CDH13: variants seen among roughly 807,000 people sequenced by gnomAD.
The protein encoded by CDH13 is cadherin 13.
In CDH13, 24 loss-of-function variants were observed where a neutral mutation model predicts 63.8. The ratio of observed to expected loss-of-function variants is 0.38; its 90% confidence interval spans 0.27 to 0.53. The LOEUF is 0.53. CDH13 is among the 20% of genes least tolerant of loss of function. The pLI is 0.85. For synonymous variants in CDH13, 503 were observed against 355.3 expected, an observed-to-expected ratio of 1.42 and a Z score of -4.67; for missense variants, 1,049 against 903.1, an observed-to-expected ratio of 1.16 and a Z score of -2.07.
intron 10 of CDH13, among the ~76,000 whole-genome samples, chr16:83,687,311 G>T (rs762616010): frequency 6.6e-6 from 1 of 152,186 alleles, no homozygotes; most frequent in Non-Finnish European, 1.5e-5. Context: ...TGATTTAATT[G>T]TCTCATGGCT....
At chr16:82,890,162 C>T (rs1224753809) in intron 2 of CDH13, among the ~76,000 whole-genome samples, 2 of 152,194 alleles carry the variant, frequency 1.3e-5, no homozygotes, top group African/African-American at 4.8e-5. Flanking sequence ...AGATTCCTTC[C>T]TGGAATTTTG....
At chr16:83,096,669 A>C (rs2034212199) in intron 3 of CDH13, among the ~76,000 whole-genome samples, 1 of 152,130 alleles carries the variant, frequency 6.6e-6, no homozygotes. Context: ...TTTGGGTTTA[A>C]CTCCCTTGGA....
chr16:83,308,558 G>C (rs1164900199), intron 5 of CDH13, among the ~76,000 whole-genome samples: 1 of 152,192 alleles, frequency 6.6e-6, no homozygotes, highest in East Asian at 1.9e-4. Flanking sequence ...AGATTACAAA[G>C]CCAACGTCAC....
At chr16:82,863,818 G>A (rs958260714) in intron 2 of CDH13, among the ~76,000 whole-genome samples, 4 of 152,150 alleles carry the variant, frequency 2.6e-5, no homozygotes, top group African/African-American at 9.7e-5. Flanking sequence ...AGCGACTAAA[G>A]CAGTGATTGT....
intron 7 of CDH13, among the ~76,000 whole-genome samples, chr16:83,494,844 T>C (rs1017231489): frequency 5.3e-5 from 8 of 152,222 alleles, no homozygotes; most frequent in Non-Finnish European, 1.2e-4. Flanking sequence ...TAAAAGCTTG[T>C]TGATCGTATT....
chr16:83,492,730 G>C (rs936949662), intron 7 of CDH13, among the ~76,000 whole-genome samples: 3 of 152,186 alleles, frequency 2.0e-5, no homozygotes, highest in Non-Finnish European at 2.9e-5. Context: ...GCCTCCTGCT[G>C]ATGGCAATGG....
At chr16:82,929,284 C>G (rs913133553) in intron 2 of CDH13, among the ~76,000 whole-genome samples, 17 of 152,080 alleles carry the variant, frequency 1.1e-4, no homozygotes, top group African/African-American at 2.4e-4. Flanking sequence ...ACTTTACTCT[C>G]AGGATATTAT....
In CDH13 at chr16:83,188,449, A is replaced by G. The variant is rs183516054; in HGVS notation, c.484-28896A>G. On this transcript the variant is annotated intron_variant, in intron 4 of 13. Coordinates refer to ENST00000567109, the MANE Select transcript of CDH13 (RefSeq NM_001257.5). ...AGGCTCTGCGCCTCTCTGAACTGTC[A>G]TGCATTCTTTTTGAGTCCTCTTGGT... 3.3e-4 allele frequency among the ~76,000 whole-genome samples: 50 copies of G among 152,116 alleles called. No individual in the cohort carries two copies. The East Asian group carries it at 8.2e-3, about 25-fold the overall frequency.
intron 5 of CDH13, among the ~76,000 whole-genome samples, chr16:83,267,516 G>C (rs78341439): frequency 0.066 from 10,026 of 152,246 alleles, 407 homozygotes; most frequent in Middle Eastern, 0.15. Flanking sequence ...ATGATATTAA[G>C]AGGTAAGACC....
rs1455946269 is a variant in CDH13 at position 83,070,861 on chromosome 16, C to G, written c.366+38643C>G. Reference sequence around the variant, plus strand: ...TATACTACAGTAATAAACAGCCCCCCCCCCCCCAAATATCAATGACCTAAA... The same window carrying G: ...TATACTACAGTAATAAACAGCCCCCGCCCCCCCAAATATCAATGACCTAAA... On this transcript the variant is annotated intron_variant, in intron 3 of 13. Transcript: ENST00000567109. Among the ~76,000 whole-genome samples, 4 of 142,540 alleles carry G rather than the reference C, an allele frequency of 2.8e-5. 1 individual carries two copies. The highest frequency in any genetic ancestry group is 6.2e-5 in the Non-Finnish European group (4 of 64,660). 93.5% of individuals were successfully genotyped at this position (142,540 alleles called of 152,430 possible).
intron 3 of CDH13, among the ~76,000 whole-genome samples, chr16:83,120,953 G>A (rs1464084678): frequency 5.3e-5 from 8 of 151,884 alleles, no homozygotes; most frequent in South Asian, 2.1e-4. Flanking sequence ...TGGTAGAGAC[G>A]GGGTTTCACC....
At chr16:82,746,389 C>G (rs1214225628) in intron 1 of CDH13, among the ~76,000 whole-genome samples, 3 of 151,840 alleles carry the variant, frequency 2.0e-5, no homozygotes, top group Non-Finnish European at 4.4e-5. Context: ...ACCTGAGATG[C>G]TTTTATCATT....
intron 5 of CDH13, among the ~76,000 whole-genome samples, chr16:83,306,794 C>T (rs1174629370): frequency 6.6e-6 from 1 of 152,104 alleles, no homozygotes; most frequent in Non-Finnish European, 1.5e-5. Context: ...ACTGGGAACC[C>T]ACCAAAATAT....
chr16:83,073,119 T>A (rs933351145), intron 3 of CDH13, among the ~76,000 whole-genome samples: 10 of 152,174 alleles, frequency 6.6e-5, no homozygotes, highest in African/African-American at 9.7e-5. Context: ...AACCCCATTT[T>A]ACAGGTAAGG....
intron 10 of CDH13, among the ~76,000 whole-genome samples, chr16:83,745,137 C>T (rs760087304): frequency 1.1e-4 from 17 of 152,120 alleles, no homozygotes; most frequent in Admixed American, 7.2e-4. Context: ...GTCCAGCCGG[C>T]GCAATGTAAG....
intron 1 of CDH13, among the ~76,000 whole-genome samples, chr16:82,671,177 T>G (rs543567671): frequency 1.3e-5 from 2 of 152,182 alleles, no homozygotes; most frequent in Non-Finnish European, 2.9e-5. Flanking sequence ...AGTACTAAAA[T>G]AAATTGCTTG....
intron 2 of CDH13, among the ~76,000 whole-genome samples, chr16:83,031,062 T>C (rs527375772): frequency 3.3e-5 from 5 of 151,668 alleles, no homozygotes; most frequent in Admixed American, 3.3e-4. Context: ...TATATGGTGC[T>C]GCATATTGTG....
At chr16:82,870,794 T>A (rs2151187920) in intron 2 of CDH13, among the ~76,000 whole-genome samples, 1 of 152,350 alleles carries the variant, frequency 6.6e-6, no homozygotes, top group East Asian at 1.9e-4. Flanking sequence ...TTTAAATTAC[T>A]TTTTAAAATA....
chr16:83,741,478 A>T (rs12935436), intron 10 of CDH13, among the ~76,000 whole-genome samples: 2 of 95,292 alleles, frequency 2.1e-5, no homozygotes, highest in Non-Finnish European at 4.5e-5. Flanking sequence ...TACTATATAT[A>T]TGTGTGTGTG....
Sources: gnomAD v4.1 joint callset for allele counts (sites outside exome capture counted in the v4.1 genomes callset) on GRCh38, gnomAD v4.1.1 for gene constraint, MANE v1.5 for transcripts, NCBI Gene and HGNC (gene_info 2026-07-23, HGNC 2026-07-21) for gene names.